C11orf71: variants seen among roughly 807,000 people sequenced by gnomAD.
The protein encoded by C11orf71 is chromosome 11 open reading frame 71, also known as uncharacterized protein C11orf71.
For synonymous variants in C11orf71, 72 were observed against 73.4 expected (o/e 0.98, Z 0.09); for missense variants, 179 against 167.6 (o/e 1.07, Z -0.38).
chr11:114,396,619 T>C (rs987174834), downstream of C11orf71, among the ~76,000 whole-genome samples: 3 of 152,192 alleles, frequency 2.0e-5, no homozygotes, highest in Non-Finnish European at 2.9e-5. Context: ...TGAATTTCAA[T>C]TGGGCAGGAC....
rs1946149312 is a variant in C11orf71 at position 114,398,813 on chromosome 11, G to A, written c.*1147C>T. 1 of 152,138 alleles carries A rather than the reference G, an allele frequency of 6.6e-6. No homozygotes were observed. Among genetic ancestry groups the A allele is most frequent in the Non-Finnish European group, 1.5e-5 (1 of 68,022 alleles). 9.4% of individuals were successfully genotyped at this position (152,138 alleles called of 1,614,324 possible). Reference sequence around the variant, plus strand: ...AACAATTCAATACTATGTGGTGTATGGAGATTTTGCTTTATTTGAAGATAA... The same window carrying A: ...AACAATTCAATACTATGTGGTGTATAGAGATTTTGCTTTATTTGAAGATAA... On this transcript the variant is annotated 3_prime_UTR_variant, in exon 1 of 1. Transcript: ENST00000623205.
chr11:114,399,820 G>A lies in C11orf71; in HGVS notation c.*140C>T, dbSNP rs1019455738. On this transcript the variant is annotated 3_prime_UTR_variant, in exon 1 of 1. Transcript: ENST00000623205. The stretch of plus-strand genomic sequence containing the variant: ...ACTGTTACACTTCCCTTAGTGCTAG[G>A]ACATATTCATATAACTCCCACGTAT... The A allele has an allele frequency of 1.7e-6, 2 of 1,195,496 alleles. No individual in the cohort carries two copies. The highest frequency in any genetic ancestry group is 2.6e-5 in the East Asian group (1 of 38,832). 74.1% of individuals were successfully genotyped at this position (1,195,496 alleles called of 1,614,324 possible).
chr11:114,394,988 T>C (rs1946119847), downstream of C11orf71, among the ~76,000 whole-genome samples: 1 of 151,188 alleles, frequency 6.6e-6, no homozygotes, highest in Non-Finnish European at 1.5e-5. Flanking sequence ...GCCCTTGCCT[T>C]CCTGACATGT....
chr11:114,392,021 C>G (rs1377989419), intron 1 of C11orf71, among the ~76,000 whole-genome samples: 1 of 151,666 alleles, frequency 6.6e-6, no homozygotes, highest in Non-Finnish European at 1.5e-5. Context: ...TGAGTTAAAC[C>G]AAGGGTGTTT....
chr11:114,395,237 T>C (rs1398482586), downstream of C11orf71, among the ~76,000 whole-genome samples: 1 of 152,210 alleles, frequency 6.6e-6, no homozygotes, highest in Non-Finnish European at 1.5e-5. Flanking sequence ...GCCCTCTGCC[T>C]TCCCAGCTCT....
chr11:114,393,348 G>T (rs1418438029), intron 1 of C11orf71, among the ~76,000 whole-genome samples: 1 of 152,200 alleles, frequency 6.6e-6, no homozygotes, highest in Non-Finnish European at 1.5e-5. Context: ...TAAGTGCAAA[G>T]AATATGTTCA....
Position 114,400,305 on chromosome 11 carries a change from G to C in C11orf71, c.27C>G (p.Ser9=), listed in dbSNP as rs1176103506. ...CCACCCTGCTCCTCTGATCACCGGA[G>C]GACAGGGACACATTGTTCAGGGCCA... MALNNVSL[S]SGDQRSRVAY... is the part of the protein sequence containing the mutation. The change falls in exon 1 of 1, where the codon TCC becomes TCG. Residue 9 remains serine, a synonymous_variant. Transcript: ENST00000623205. 1.2e-6 allele frequency: 2 copies of C among 1,609,354 alleles called. No individual in the cohort carries two copies. The highest frequency in any genetic ancestry group is 3.4e-5 in the Admixed American group (2 of 59,422).
In C11orf71 at chr11:114,399,953, T is replaced by A; in HGVS notation, c.*7A>T. ...AGCTAAGTGAGGGCCAGAGGAAAGGTGTTCGTTTAAACTGAAATTCGAGCT... is the reference window on the plus strand; with the variant it reads ...AGCTAAGTGAGGGCCAGAGGAAAGGAGTTCGTTTAAACTGAAATTCGAGCT... On this transcript the variant is annotated 3_prime_UTR_variant, in exon 1 of 1. Transcript: ENST00000623205. 6.3e-7 allele frequency: 1 copy of A among 1,589,176 alleles called. No individual in the cohort carries two copies. Among genetic ancestry groups the A allele is most frequent in the African/African-American group, 1.3e-5 (1 of 74,512 alleles).
chr11:114,392,500 T>C (rs1946080015), intron 1 of C11orf71, among the ~76,000 whole-genome samples: 1 of 114,590 alleles, frequency 8.7e-6, no homozygotes. Flanking sequence ...ATCATGCCAC[T>C]ACACTCCAGC....
At chr11:114,394,248 T>TTTTTCTTTTC (rs1565256615), downstream of C11orf71, among the ~76,000 whole-genome samples, 2 of 62,128 alleles carry the variant, frequency 3.2e-5, no homozygotes, top group Admixed American at 2.1e-4. Flanking sequence ...TTTTCTTTTC[T>TTTTTCTTTTC]TTTCTTTTCT....
downstream of C11orf71, among the ~76,000 whole-genome samples, chr11:114,397,880 AAT>A (rs1015643893): frequency 5.3e-5 from 8 of 152,178 alleles, no homozygotes; most frequent in Admixed American, 2.6e-4. Context: ...ATGGTCACCC[AAT>A]ATGTCATACC....
Position 114,399,429 on chromosome 11 carries a change from A to C in C11orf71, c.*531T>G, listed in dbSNP as rs557558414. On this transcript the variant is annotated 3_prime_UTR_variant, in exon 1 of 1. Coordinates refer to ENST00000623205, the MANE Select transcript of C11orf71 (RefSeq NM_001271562.2). ...AAAGTAAAAATTTGGAACCTTTGCCAAAGAAAGGAATAATAAATTGATTTA... is the reference window on the plus strand; with the variant it reads ...AAAGTAAAAATTTGGAACCTTTGCCCAAGAAAGGAATAATAAATTGATTTA... The C allele has an allele frequency of 2.0e-5, 3 of 152,512 alleles. No individual in the cohort carries two copies. In the East Asian group the frequency reaches 5.8e-4, roughly 29 times the overall value. The allele number at this position is 152,512 out of a possible 1,614,324, so 9.4% of individuals were successfully genotyped here.
chr11:114,400,448 TA>T lies in C11orf71; in HGVS notation c.-118del. 1 of 1,377,060 alleles carries T rather than the reference TA, an allele frequency of 7.3e-7. No individual in the cohort carries two copies. The highest frequency in any genetic ancestry group is 9.7e-7 in the Non-Finnish European group (1 of 1,030,790). 85.3% of individuals were successfully genotyped at this position (1,377,060 alleles called of 1,614,324 possible). ...CGATGACTAAGCACACAGGAACCCATAACTGAGCCTGCGGAAGAGCCAGAAG... is the reference window on the plus strand; with the variant it reads ...CGATGACTAAGCACACAGGAACCCATACTGAGCCTGCGGAAGAGCCAGAAG... On this transcript the variant is annotated 5_prime_UTR_variant, in exon 1 of 1. The change abolishes the stop of an existing upstream ORF in the 5' untranslated region. Coordinates refer to ENST00000623205, the MANE Select transcript of C11orf71 (RefSeq NM_001271562.2).
chr11:114,397,431 T>A (rs1178016439), downstream of C11orf71, among the ~76,000 whole-genome samples: 1 of 152,180 alleles, frequency 6.6e-6, no homozygotes, highest in African/African-American at 2.4e-5. Flanking sequence ...GAGGGTCACA[T>A]TGTAACTTGA....
chr11:114,394,228 C>CCTTTCCTTTCCTTTCTTTTCT (rs1946101542), downstream of C11orf71, among the ~76,000 whole-genome samples: 28 of 48,704 alleles, frequency 5.7e-4, 3 homozygotes, highest in Non-Finnish European at 9.4e-4. Context: ...CTTTTCTTTT[C>CCTTTCCTTTCCTTTCTTTTCT]TTTCTTTTCT....
chr11:114,393,629 T>C (rs1001064391), downstream of C11orf71, among the ~76,000 whole-genome samples: 1 of 152,218 alleles, frequency 6.6e-6, no homozygotes, highest in Non-Finnish European at 1.5e-5. Flanking sequence ...TAGATGAGCA[T>C]TCGCTATTGA....
Position 114,400,191 on chromosome 11 carries a change from T to G in C11orf71, c.141A>C (p.Glu47Asp), listed in dbSNP as rs1946173971. ...SGDGFLVSRP[E>D]AIHLGPRQAV... ...CCTGCCGAGGTCCTAGATGAATCGC[T>G]TCAGGCCTGGAAACGAGGAAGCCGT... is the stretch of plus-strand genomic sequence containing the variant. The change falls in exon 1 of 1, where the codon GAA (glutamate) becomes GAC (aspartate). Residue 47 changes from glutamate (E) to aspartate (D), a missense_variant. By Grantham distance (45) the Glu-to-Asp change is conservative. Coordinates refer to ENST00000623205, the MANE Select transcript of C11orf71 (RefSeq NM_001271562.2). The G allele has an allele frequency of 6.2e-7, 1 of 1,613,470 alleles. No individual in the cohort carries two copies. Among genetic ancestry groups the G allele is most frequent in the Admixed American group, 1.7e-5 (1 of 59,944 alleles).
At chr11:114,392,954 A>G (rs1240504237) in intron 1 of C11orf71, among the ~76,000 whole-genome samples, 1 of 152,212 alleles carries the variant, frequency 6.6e-6, no homozygotes, top group Non-Finnish European at 1.5e-5. Context: ...CCTGAAGGCT[A>G]AATCTAGCCC....
At chr11:114,394,238 T>TTTTCTTTTCTTTTCTTTCTTTTCTTTTC (rs1591192756), downstream of C11orf71, among the ~76,000 whole-genome samples, 1 of 49,854 alleles carries the variant, frequency 2.0e-5, no homozygotes, top group African/African-American at 1.6e-4. Context: ...CTTTCTTTTC[T>TTTTCTTTTCTTTTCTTTCTTTTCTTTTC]TTTCTTTTCT....
Sources: allele counts gnomAD v4.1 joint callset (sites outside exome capture counted in the v4.1 genomes callset), GRCh38; gene constraint gnomAD v4.1.1; transcripts MANE v1.5; gene names NCBI Gene and HGNC (gene_info 2026-07-23, HGNC 2026-07-21).